Variants in TENM4 observed in about 807,000 individuals in gnomAD.
The protein encoded by TENM4 is teneurin-4.
In TENM4, 82 loss-of-function variants were observed where a neutral mutation model predicts 243.3. That is an observed-to-expected ratio of 0.34 (90% CI 0.28 to 0.40). The LOEUF (loss-of-function observed/expected upper bound fraction) is 0.40. Among genes scored for constraint, TENM4 ranks in the 10% least tolerant of loss-of-function variants. TENM4 has a pLI of 1.00. For synonymous variants in TENM4, 1,412 were observed against 1,456.3 expected (o/e 0.97, Z 0.69); for missense variants, 3,138 against 3,673.3 (o/e 0.85, Z 3.77).
At chr11:79,232,363 G>T (rs971919809) in intron 2 of TENM4, among the ~76,000 whole-genome samples, 2 of 152,322 alleles carry the variant, frequency 1.3e-5, no homozygotes, top group East Asian at 3.9e-4. Flanking sequence ...GTCTTCAGGC[G>T]CAGAAACCCT....
chr11:78,676,338 C>G lies in TENM4; in HGVS notation c.5310G>C (p.Leu1770=). The G allele has an allele frequency of 6.2e-7, 1 of 1,610,010 alleles. No individual in the cohort carries two copies. The highest frequency in any genetic ancestry group is 8.5e-7 in the Non-Finnish European group (1 of 1,176,692). ...YYIGADGSLR[L]LLANGMEVAL... is the part of the protein sequence containing the mutation. ...CCACCTCCATGCCGTTGGCCAGCAG[C>G]AGCCGCAAGGAGCCATCGGCCCCGA... is the stretch of plus-strand genomic sequence containing the variant. Residue 1770 remains leucine, a synonymous_variant, in exon 30 of 34, where the codon CTG becomes CTC. Transcript: ENST00000278550.
intron 4 of TENM4, among the ~76,000 whole-genome samples, chr11:79,137,980 C>G (rs1222383093): frequency 6.6e-6 from 1 of 151,720 alleles, no homozygotes; most frequent in East Asian, 1.9e-4. Context: ...AAGTACTGAT[C>G]CTGGGTGTGT....
intron 4 of TENM4, among the ~76,000 whole-genome samples, chr11:79,126,790 C>T (rs965673634): frequency 6.6e-6 from 1 of 152,128 alleles, no homozygotes; most frequent in African/African-American, 2.4e-5. Flanking sequence ...GAGGAAGGAC[C>T]CTACTACATT....
intron 18 of TENM4, 101 bp downstream of exon 18, chr11:78,770,891 A>G (rs1856633011): frequency 1.4e-6 from 2 of 1,465,006 alleles, no homozygotes; most frequent in East Asian, 5.0e-5. Flanking sequence ...TGACTGGATG[A>G]CTGGTGTGTT....
chr11:78,696,595 G>A (rs889236436), intron 28 of TENM4, among the ~76,000 whole-genome samples: 2 of 152,156 alleles, frequency 1.3e-5, no homozygotes, highest in African/African-American at 2.4e-5. Context: ...TTAGCCTCTA[G>A]GTATCATAGG....
At chr11:79,365,016 A>G (rs575828964) in intron 1 of TENM4, among the ~76,000 whole-genome samples, 22 of 152,206 alleles carry the variant, frequency 1.4e-4, no homozygotes, top group Non-Finnish European at 2.8e-4. Context: ...CTAATGAGGT[A>G]TTTACCTGAT....
chr11:78,755,025 C>T (rs957246446), intron 19 of TENM4, among the ~76,000 whole-genome samples: 6 of 152,202 alleles, frequency 3.9e-5, no homozygotes, highest in Non-Finnish European at 7.3e-5. Context: ...CATCCCGCTC[C>T]GTCATGTTCC....
In TENM4 at chr11:78,854,150, A is replaced by G; in HGVS notation, c.1635T>C (p.Asn545=). Residue 545 remains asparagine, a synonymous_variant, in exon 12 of 34, where the codon AAT becomes AAC. Coordinates refer to ENST00000278550, the MANE Select transcript of TENM4 (RefSeq NM_001098816.3). ...AAACCACTTCTGACTCCTTTCCGTCATTGTAAAAAGCCAAGTGCCAGATTC... is the reference window on the plus strand; with the variant it reads ...AAACCACTTCTGACTCCTTTCCGTCGTTGTAAAAAGCCAAGTGCCAGATTC... ...DSGIWHLAFY[N]DGKESEVVSF... 6.4e-7 allele frequency: 1 copy of G among 1,551,758 alleles called. No homozygotes were observed. The highest frequency in any genetic ancestry group is 8.7e-7 in the Non-Finnish European group (1 of 1,146,992).
intron 3 of TENM4, among the ~76,000 whole-genome samples, chr11:79,182,357 A>G (rs1238946957): frequency 6.6e-6 from 1 of 152,180 alleles, no homozygotes; most frequent in East Asian, 1.9e-4. Flanking sequence ...AATATTTTCA[A>G]CAAATGGTGT....
intron 26 of TENM4, among the ~76,000 whole-genome samples, chr11:78,710,451 T>A (rs1363953004): frequency 6.6e-6 from 1 of 152,020 alleles, no homozygotes; most frequent in Non-Finnish European, 1.5e-5. Context: ...GGCTGGAGAG[T>A]GATTTCACAC....
At chr11:79,136,602 C>T (rs993591085) in intron 4 of TENM4, among the ~76,000 whole-genome samples, 2 of 152,188 alleles carry the variant, frequency 1.3e-5, no homozygotes, top group African/African-American at 2.4e-5. Flanking sequence ...TATACTGGAC[C>T]TCTTCCATCA....
intron 3 of TENM4, among the ~76,000 whole-genome samples, chr11:79,164,759 A>T (rs2135099589): frequency 6.6e-6 from 1 of 151,280 alleles, no homozygotes; most frequent in African/African-American, 2.4e-5. Flanking sequence ...ACAAGATCTG[A>T]TGGGTTTATC....
intron 6 of TENM4, among the ~76,000 whole-genome samples, chr11:79,011,161 G>A (rs543209198): frequency 6.2e-4 from 94 of 152,268 alleles, no homozygotes; most frequent in Middle Eastern, 3.4e-3. Context: ...AAAACCTTCC[G>A]TGAATCCAGA....
intron 6 of TENM4, among the ~76,000 whole-genome samples, chr11:78,957,559 AAAG>A (rs1857232774): frequency 6.6e-6 from 1 of 152,360 alleles, no homozygotes; most frequent in East Asian, 1.9e-4. Context: ...TCCCATTTAG[AAAG>A]AAAAATAAAC....
chr11:79,236,887 T>C (rs1010189930), intron 2 of TENM4, among the ~76,000 whole-genome samples: 4 of 152,094 alleles, frequency 2.6e-5, no homozygotes, highest in African/African-American at 9.7e-5. Context: ...TGTTTGTTTA[T>C]CTGGACAGCT....
At chr11:78,665,169 CTCTT>C (rs1858124335) in intron 32 of TENM4, among the ~76,000 whole-genome samples, 1 of 151,352 alleles carries the variant, frequency 6.6e-6, no homozygotes. Flanking sequence ...TTCTTTCTTT[CTCTT>C]TCTTTTCTTT....
intron 6 of TENM4, chr11:78,904,034 G>A (rs1053359234): frequency 7.7e-5 from 23 of 299,370 alleles, no homozygotes; most frequent in African/African-American, 4.3e-4. Context: ...TATATATGAT[G>A]GTACACAGTA....
At chr11:78,802,123 C>G (rs1356171425) in intron 15 of TENM4, among the ~76,000 whole-genome samples, 1 of 152,216 alleles carries the variant, frequency 6.6e-6, no homozygotes, top group South Asian at 2.1e-4. Flanking sequence ...AGTTTCTTGG[C>G]TCTAGTGAAT....
chr11:78,658,282 G>T lies in TENM4; in HGVS notation c.8086C>A (p.Gln2696Lys). ...GCCCACGCTTGGCGCACGGCTCTCT[G>T]CCGGGCCAGCTCCAGGACCCGTGCC... is the stretch of plus-strand genomic sequence containing the variant. ...EKARVLELAR[Q>K]RAVRQAWARE... Residue 2696 changes from glutamine (Q) to lysine (K), a missense_variant, in exon 34 of 34, where the codon CAG becomes AAG. This residue lies in a region of TENM4 where 2,467 missense variants were observed against 3,059.1 expected (regional missense o/e 0.81). Transcript: ENST00000278550. 1.2e-6 allele frequency: 2 copies of T among 1,612,914 alleles called. No individual in the cohort carries two copies. Among genetic ancestry groups the T allele is most frequent in the Non-Finnish European group, 1.7e-6 (2 of 1,179,110 alleles).
Sources: gnomAD v4.1 joint callset for allele counts (sites outside exome capture counted in the v4.1 genomes callset) on GRCh38, gnomAD v4.1.1 for gene constraint, gnomAD v4.1.1 regional missense constraint, MANE v1.5 for transcripts, NCBI Gene and HGNC (gene_info 2026-07-23, HGNC 2026-07-21) for gene names.